CACNA1C: variants seen among roughly 807,000 people sequenced by gnomAD.
CACNA1C encodes the protein calcium voltage-gated channel subunit alpha1 C.
Under a neutral mutation model 229.0 loss-of-function variants are expected in CACNA1C, and 30 were observed. That is an observed-to-expected ratio of 0.13 (90% CI 0.10 to 0.18). The LOEUF is 0.18. CACNA1C is among the 10% of genes least tolerant of loss of function. The pLI is 1.00. For missense variants in CACNA1C, 1,658 were observed against 2,845.0 expected (o/e 0.58, Z 9.49); for synonymous variants, 1,114 against 1,132.5 (o/e 0.98, Z 0.33).
intron 9 of CACNA1C, among the ~76,000 whole-genome samples, chr12:2,543,449 A>G (rs2099875844): frequency 1.3e-5 from 2 of 152,188 alleles, no homozygotes; most frequent in Admixed American, 1.3e-4. Context: ...ACTTTCAACA[A>G]TTTGGACATT....
At chr12:2,516,927 A>T (rs1403329297) in intron 9 of CACNA1C, among the ~76,000 whole-genome samples, 1 of 152,212 alleles carries the variant, frequency 6.6e-6, no homozygotes, top group Non-Finnish European at 1.5e-5. Flanking sequence ...GTGTGAGTGT[A>T]GACAGAAGTG....
In CACNA1C at chr12:1,971,006, C is replaced by G; in HGVS notation, c.-57C>G. On this transcript the variant is annotated 5_prime_UTR_variant, in exon 1 of 47. Coordinates refer to the CACNA1C transcript ENST00000682462. The surrounding 1 kb of genome is among the most constrained non-coding windows in gnomAD (Gnocchi z 4.2). ...TTAAAAAATTATAAGAGATCATGAG[C>G]AGGATAATTATTTAGCTTTAAAAAT... 8.9e-7 allele frequency: 1 copy of G among 1,121,856 alleles called. No individual in the cohort carries two copies. Among genetic ancestry groups the G allele is most frequent in the African/African-American group, 1.6e-5 (1 of 61,678 alleles). The allele number at this position is 1,121,856 out of a possible 1,614,324, so 69.5% of individuals were successfully genotyped here. A position where few individuals can be genotyped will look rare whatever the true frequency, so the allele number is the denominator to read the frequency against.
intron 1 of CACNA1C, among the ~76,000 whole-genome samples, chr12:2,113,478 G>A (rs1449483492): frequency 6.6e-6 from 1 of 152,184 alleles, no homozygotes; most frequent in Non-Finnish European, 1.5e-5. Flanking sequence ...GGGTCAATAA[G>A]GTTGAGCCAG....
At chr12:2,171,739 G>GC (rs1337361910) in intron 3 of CACNA1C, among the ~76,000 whole-genome samples, 9 of 152,206 alleles carry the variant, frequency 5.9e-5, no homozygotes, top group African/African-American at 1.9e-4. Flanking sequence ...AAGTCAGTCA[G>GC]ACTTTCAAAT....
intron 3 of CACNA1C, among the ~76,000 whole-genome samples, chr12:2,122,536 C>G (rs1364009801): frequency 1.3e-5 from 2 of 151,946 alleles, no homozygotes; most frequent in Non-Finnish European, 2.9e-5. Context: ...GACCCGGCCT[C>G]CCGGTCCTTG....
chr12:2,156,505 A>G (rs1424167199), intron 3 of CACNA1C, among the ~76,000 whole-genome samples: 1 of 152,252 alleles, frequency 6.6e-6, no homozygotes, highest in Admixed American at 6.5e-5. Context: ...TGTATTTGAA[A>G]TACTCTTTGA....
intron 13 of CACNA1C, among the ~76,000 whole-genome samples, chr12:2,568,886 A>G (rs1336920885): frequency 6.6e-6 from 1 of 152,112 alleles, no homozygotes; most frequent in Admixed American, 6.5e-5. Flanking sequence ...AAAGGTTAAG[A>G]TGGTAAATTT....
chr12:2,191,767 CCTCCACAGGCACAT>C (rs573730764), intron 3 of CACNA1C, among the ~76,000 whole-genome samples: 1,647 of 151,182 alleles, frequency 0.011, 12 homozygotes, highest in Non-Finnish European at 0.015. Context: ...CACAGGCACA[CCTCCACAGGCACAT>C]ACATGCACAT....
chr12:1,982,641 C>T (rs2036496185), intron 1 of CACNA1C, among the ~76,000 whole-genome samples: 1 of 151,846 alleles, frequency 6.6e-6, no homozygotes, highest in Non-Finnish European at 1.5e-5. Flanking sequence ...TGGGTTATTC[C>T]CACCATTTGG....
chr12:2,381,577 C>G (rs2098248593), intron 3 of CACNA1C, among the ~76,000 whole-genome samples: 1 of 152,204 alleles, frequency 6.6e-6, no homozygotes, highest in African/African-American at 2.4e-5. Context: ...GGCTCCTTGC[C>G]TCCAGGTTTT....
chr12:2,113,905 A>T (rs183671032), intron 1 of CACNA1C, among the ~76,000 whole-genome samples: 1 of 152,342 alleles, frequency 6.6e-6, no homozygotes, highest in East Asian at 1.9e-4. Context: ...AGAGCAGGGC[A>T]GCTGTCCCTG....
intron 3 of CACNA1C, among the ~76,000 whole-genome samples, chr12:2,426,012 G>T (rs2099028160): frequency 6.6e-6 from 1 of 152,160 alleles, no homozygotes; most frequent in Non-Finnish European, 1.5e-5. Flanking sequence ...TATTCTCGAA[G>T]GCATTTGTGG....
intron 3 of CACNA1C, among the ~76,000 whole-genome samples, chr12:2,425,596 A>C (rs1376056934): frequency 6.6e-6 from 1 of 152,248 alleles, no homozygotes; most frequent in East Asian, 1.9e-4. Context: ...CCATGAGAGC[A>C]GGGAACCCTG....
chr12:2,684,425 G>C lies in CACNA1C; in HGVS notation c.5574-1311G>C, dbSNP rs569706704. The stretch of plus-strand genomic sequence containing the variant: ...ATAACTGTCTCTAAATTGATTCTTA[G>C]AGAATACAAACGAATGCCTGACCAC... On this transcript the variant is annotated intron_variant, in intron 43 of 46. Transcript: ENST00000399655. 5.1e-4 allele frequency among the ~76,000 whole-genome samples: 78 copies of C among 152,268 alleles called. No individual in the cohort carries two copies. The South Asian group carries it at 0.016, about 31-fold the overall frequency.
intron 3 of CACNA1C, among the ~76,000 whole-genome samples, chr12:2,230,725 T>A (rs1359616927): frequency 6.6e-6 from 1 of 152,204 alleles, no homozygotes; most frequent in Non-Finnish European, 1.5e-5. Context: ...CACAAAGCCA[T>A]AAATACATTT....
At chr12:2,606,904 C>T in intron 25 of CACNA1C, 80 bp from the exon 26 acceptor site, 1 of 1,511,448 alleles carries the variant, frequency 6.6e-7, no homozygotes, top group Non-Finnish European at 9.1e-7. Context: ...CCATCCCACC[C>T]AGCATTCAAG....
intron 3 of CACNA1C, among the ~76,000 whole-genome samples, chr12:2,424,447 G>A (rs906550855): frequency 3.3e-5 from 5 of 152,216 alleles, no homozygotes; most frequent in African/African-American, 1.2e-4. Flanking sequence ...CACCCAGCAT[G>A]AGACAGATTC....
chr12:2,323,582 A>T (rs1179770896), intron 3 of CACNA1C, among the ~76,000 whole-genome samples: 1 of 152,148 alleles, frequency 6.6e-6, no homozygotes, highest in Non-Finnish European at 1.5e-5. Context: ...GTGCCCACAC[A>T]CTGAGCTTGC....
intron 1 of CACNA1C, among the ~76,000 whole-genome samples, chr12:2,046,680 C>T (rs921422238): frequency 1.3e-5 from 2 of 152,184 alleles, no homozygotes; most frequent in African/African-American, 4.8e-5. Context: ...GTTATCCTAA[C>T]AACTTAGGCT....
Sources: gnomAD v4.1 joint callset for allele counts (sites outside exome capture counted in the v4.1 genomes callset) on GRCh38, gnomAD v4.1.1 for gene constraint, Gnocchi (gnomAD v3.1) non-coding constraint, MANE v1.5 for transcripts, NCBI Gene and HGNC (gene_info 2026-07-23, HGNC 2026-07-21) for gene names.